PCDHA8: variants seen among roughly 807,000 people sequenced by gnomAD.
The protein encoded by PCDHA8 is protocadherin alpha 8.
In PCDHA8, 53 loss-of-function variants were observed where a neutral mutation model predicts 61.8. The observed-to-expected ratio is 0.86, with a 90% CI of 0.69 to 1.08. The LOEUF is 1.08. Among genes scored for constraint, PCDHA8 ranks in the 50% least tolerant of loss-of-function variants. The pLI, the probability that PCDHA8 is intolerant of heterozygous loss-of-function variation, is 0.00. For missense variants in PCDHA8, 1,293 were observed against 1,245.0 expected (o/e 1.04, Z -0.58); for synonymous variants, 618 against 556.6 (o/e 1.11, Z -1.55).
chr5:141,009,021 G>A (rs997779963), intron 3 of PCDHA8, among the ~76,000 whole-genome samples: 1 of 152,246 alleles, frequency 6.6e-6, no homozygotes, highest in Non-Finnish European at 1.5e-5. Context: ...TTTAGGCTCT[G>A]TATTTCCCAT....
chr5:140,904,189 C>G (rs1436545458), intron 1 of PCDHA8, among the ~76,000 whole-genome samples: 1 of 151,968 alleles, frequency 6.6e-6, no homozygotes, highest in Non-Finnish European at 1.5e-5. Context: ...CCCCTTCCCA[C>G]CCTTTCCCCC....
intron 3 of PCDHA8, among the ~76,000 whole-genome samples, chr5:141,000,387 C>G (rs868946328): frequency 1.5e-5 from 1 of 66,898 alleles, no homozygotes. Context: ...CTCTCTCTCT[C>G]TCTCTCTCTA....
At chr5:140,948,292 A>G (rs1174586168) in intron 1 of PCDHA8, among the ~76,000 whole-genome samples, 1 of 151,576 alleles carries the variant, frequency 6.6e-6, no homozygotes, top group Non-Finnish European at 1.5e-5. Flanking sequence ...AATTTTGTAA[A>G]GAATATCTTT....
intron 1 of PCDHA8, chr5:140,881,332 C>G (rs923599590): frequency 1.0e-6 from 1 of 984,540 alleles, no homozygotes; most frequent in East Asian, 1.1e-4. Context: ...TTAACCAGGA[C>G]GCCGATTCGG....
intron 1 of PCDHA8, chr5:140,967,218 C>G: frequency 6.2e-7 from 1 of 1,613,744 alleles, no homozygotes; most frequent in Non-Finnish European, 8.5e-7. Flanking sequence ...TTCCCGCGGC[C>G]CAACTACCAG....
chr5:140,891,133 A>AAAGGT (rs1241650823), intron 1 of PCDHA8, among the ~76,000 whole-genome samples: 2 of 152,106 alleles, frequency 1.3e-5, no homozygotes, highest in Non-Finnish European at 1.5e-5. Context: ...TCATTCCTTT[A>AAAGGT]AAGGTATTCT....
At chr5:140,892,811 T>C (rs1554185379) in intron 1 of PCDHA8, among the ~76,000 whole-genome samples, 1 of 152,210 alleles carries the variant, frequency 6.6e-6, no homozygotes, top group Non-Finnish European at 1.5e-5. Context: ...TAACCATATT[T>C]ATCCTACAGT....
chr5:140,920,858 A>AG (rs2079893810), intron 1 of PCDHA8, among the ~76,000 whole-genome samples: 1 of 151,604 alleles, frequency 6.6e-6, no homozygotes, highest in African/African-American at 2.4e-5. Context: ...AAAAAAAAAA[A>AG]CAAACAAACT....
At chr5:140,997,978 C>T (rs1205743045) in intron 3 of PCDHA8, among the ~76,000 whole-genome samples, 2 of 152,182 alleles carry the variant, frequency 1.3e-5, no homozygotes, top group African/African-American at 2.4e-5. Context: ...TTGGACTGCA[C>T]TTGTTACATA....
chr5:140,884,403 T>A, intron 1 of PCDHA8: 1 of 1,613,992 alleles, frequency 6.2e-7, no homozygotes, highest in Middle Eastern at 1.6e-4. Context: ...AGCCTGTTGG[T>A]GCTCACGTTG....
chr5:140,843,429 C>T lies in PCDHA8; in HGVS notation c.2108C>T (p.Ala703Val), dbSNP rs2150359763. The change falls in exon 1 of 4, where the codon GCC (alanine) becomes GTC (valine). Residue 703 changes from alanine (A) to valine (V), a missense_variant. Ala to Val is a moderately conservative substitution (Grantham distance 64). Coordinates refer to ENST00000531613, the MANE Select transcript of PCDHA8 (RefSeq NM_018911.3). ...GATGTCAACGTGTACCTGATCATCG[C>T]CATCTGCGCGGTATCCAGCCTGCTG... ...LVDVNVYLIIAICAVSSLLVL... is the reference protein window; with the variant it reads ...LVDVNVYLIIVICAVSSLLVL... The T allele has an allele frequency of 6.3e-7, 1 of 1,596,144 alleles. No individual in the cohort carries two copies. The highest frequency in any genetic ancestry group is 8.6e-7 in the Non-Finnish European group (1 of 1,165,662).
intron 1 of PCDHA8, chr5:140,860,649 AG>A (rs2046495256): frequency 1.3e-5 from 2 of 152,282 alleles, no homozygotes; most frequent in Non-Finnish European, 2.9e-5. Context: ...GAAGAAGATA[AG>A]TGAAATAATA....
intron 1 of PCDHA8, among the ~76,000 whole-genome samples, chr5:140,960,030 C>T (rs75063622): frequency 0.012 from 1,781 of 152,150 alleles, 34 homozygotes; most frequent in African/African-American, 0.039. Flanking sequence ...TTGTTAAGTC[C>T]GGCTGTTTAT....
chr5:140,883,391 T>C (rs1301270294), intron 1 of PCDHA8: 8 of 1,614,052 alleles, frequency 5.0e-6, no homozygotes, highest in Non-Finnish European at 6.8e-6. Flanking sequence ...AATCAGTGTG[T>C]CCGATCGTGA....
chr5:140,871,452 G>A (rs1207559291), intron 1 of PCDHA8: 2 of 1,608,490 alleles, frequency 1.2e-6, no homozygotes, highest in East Asian at 2.2e-5. Context: ...ATAAAGAGGA[G>A]GAAGGGGAAA....
At chr5:140,939,672 A>T (rs573857311) in intron 1 of PCDHA8, among the ~76,000 whole-genome samples, 1 of 152,314 alleles carries the variant, frequency 6.6e-6, no homozygotes, top group Non-Finnish European at 1.5e-5. Context: ...ACCAACTTGT[A>T]TGTATGTGTG....
At chr5:140,961,981 T>G (rs1408145304) in intron 1 of PCDHA8, among the ~76,000 whole-genome samples, 1 of 152,076 alleles carries the variant, frequency 6.6e-6, no homozygotes, top group African/African-American at 2.4e-5. Context: ...CCTCCTGGGT[T>G]CACGCCATTG....
chr5:140,884,385 C>T (rs1554181508), intron 1 of PCDHA8: 1 of 1,613,992 alleles, frequency 6.2e-7, no homozygotes, highest in Non-Finnish European at 8.5e-7. Context: ...GCCATCTGCG[C>T]GGTGTCCAGC....
intron 1 of PCDHA8, chr5:140,882,622 T>C (rs782369081): frequency 1.1e-4 from 185 of 1,614,060 alleles, no homozygotes; most frequent in Non-Finnish European, 1.5e-4. Context: ...AGGTTTTCCA[T>C]GTGGAGGTGA....
Sources: gnomAD v4.1 joint callset for allele counts (sites outside exome capture counted in the v4.1 genomes callset) on GRCh38, gnomAD v4.1.1 for gene constraint, MANE v1.5 for transcripts, NCBI Gene and HGNC (gene_info 2026-07-23, HGNC 2026-07-21) for gene names.